The following KHDRBS2 variants were observed in gnomAD, a reference collection of about 807,000 sequenced individuals.
KHDRBS2 encodes the protein KH RNA binding domain containing, signal transduction associated 2.
Under a neutral mutation model 44.3 loss-of-function variants are expected in KHDRBS2, and 26 were observed. The observed-to-expected ratio is 0.59, with a 90% CI of 0.43 to 0.81. The LOEUF (loss-of-function observed/expected upper bound fraction) is 0.81, where lower values mean the gene tolerates loss of function less well. Ranked by LOEUF, KHDRBS2 falls within the 40% of genes least tolerant of loss-of-function variation. KHDRBS2 has a pLI of 0.00. For synonymous variants in KHDRBS2, 194 were observed against 151.1 expected (o/e 1.28, Z -2.08); for missense variants, 476 against 433.1 (o/e 1.10, Z -0.88).
chr6:62,017,834 T>C (rs1781485700), intron 3 of KHDRBS2, among the ~76,000 whole-genome samples: 1 of 152,070 alleles, frequency 6.6e-6, no homozygotes, highest in Non-Finnish European at 1.5e-5. Flanking sequence ...TGTAAGGATG[T>C]TCAATTATTA....
intron 1 of KHDRBS2, among the ~76,000 whole-genome samples, chr6:62,194,457 C>CTTTCT (rs139534888): frequency 1.6e-4 from 21 of 127,788 alleles, no homozygotes; most frequent in African/African-American, 2.7e-4. Flanking sequence ...CCACACTACA[C>CTTTCT]TTTCTTTTCT....
At chr6:62,104,710 T>C (rs1012945590) in intron 2 of KHDRBS2, among the ~76,000 whole-genome samples, 6 of 151,698 alleles carry the variant, frequency 4.0e-5, no homozygotes, top group Admixed American at 2.6e-4. Flanking sequence ...CTCAAATCAA[T>C]GACCTCAGGT....
At chr6:61,633,574 T>C in the KHDRBS2 span, among the ~76,000 whole-genome samples, 1 of 152,110 alleles carries the variant, frequency 6.6e-6, no homozygotes, top group African/African-American at 2.4e-5. Context: ...TTTCTATTTT[T>C]CTGCATGTGC....
At chr6:61,566,590 G>A in the KHDRBS2 span, among the ~76,000 whole-genome samples, 1 of 152,056 alleles carries the variant, frequency 6.6e-6, no homozygotes, top group South Asian at 2.1e-4. Flanking sequence ...CCTACGCCCA[G>A]GAATGAAAAA....
intron 2 of KHDRBS2, among the ~76,000 whole-genome samples, chr6:62,152,604 T>C (rs893918612): frequency 3.9e-5 from 6 of 152,244 alleles, no homozygotes; most frequent in Admixed American, 3.9e-4. Context: ...ATTTTAAAAG[T>C]TGCAGAAGTA....
the KHDRBS2 span, among the ~76,000 whole-genome samples, chr6:61,598,258 A>C: frequency 6.6e-6 from 1 of 151,700 alleles, no homozygotes; most frequent in Non-Finnish European, 1.5e-5. Flanking sequence ...CCAAAGTTTT[A>C]AACAAGAGGT....
chr6:61,644,181 G>A, the KHDRBS2 span, among the ~76,000 whole-genome samples: 1 of 152,008 alleles, frequency 6.6e-6, no homozygotes, highest in Non-Finnish European at 1.5e-5. Context: ...CTTTGACAAA[G>A]CCAACAAAAA....
At chr6:61,910,233 T>G (rs1805811229) in intron 4 of KHDRBS2, among the ~76,000 whole-genome samples, 1 of 152,242 alleles carries the variant, frequency 6.6e-6, no homozygotes, top group Non-Finnish European at 1.5e-5. Context: ...CAGAACATGC[T>G]ATTAAATAAC....
At chr6:62,062,580 G>C (rs9360290) in intron 2 of KHDRBS2, among the ~76,000 whole-genome samples, 122,725 of 148,546 alleles carry the variant, frequency 0.83, 51,113 homozygotes, top group Admixed American at 0.88. Flanking sequence ...TTGAAACCAA[G>C]AAGAACAAAG....
intron 6 of KHDRBS2, among the ~76,000 whole-genome samples, chr6:61,761,009 G>A (rs1490449182): frequency 2.0e-5 from 3 of 152,190 alleles, no homozygotes; most frequent in Non-Finnish European, 4.4e-5. Flanking sequence ...AAATAGGGTT[G>A]AAAGGTATTG....
chr6:61,674,985 A>G (rs1402904403), downstream of KHDRBS2, among the ~76,000 whole-genome samples: 2 of 151,782 alleles, frequency 1.3e-5, no homozygotes, highest in East Asian at 3.9e-4. Context: ...TAAAGATCAA[A>G]TCAGTGTAAT....
At chr6:62,184,183 T>C (rs1168982409) in intron 1 of KHDRBS2, among the ~76,000 whole-genome samples, 2 of 151,708 alleles carry the variant, frequency 1.3e-5, no homozygotes, top group Admixed American at 6.6e-5. Context: ...TACTATATTA[T>C]AATAAGCTTC....
chr6:61,886,759 C>A (rs1487460807), intron 6 of KHDRBS2, among the ~76,000 whole-genome samples: 1 of 152,022 alleles, frequency 6.6e-6, no homozygotes, highest in East Asian at 1.9e-4. Context: ...AAGATAAGAG[C>A]CCTATATAGC....
chr6:62,053,136 A>T (rs1789454429), intron 2 of KHDRBS2, among the ~76,000 whole-genome samples: 1 of 152,092 alleles, frequency 6.6e-6, no homozygotes, highest in Non-Finnish European at 1.5e-5. Flanking sequence ...GTATTAAAAA[A>T]TAAAATCAGC....
chr6:62,011,368 A>G (rs1191291365), intron 3 of KHDRBS2, among the ~76,000 whole-genome samples: 3 of 152,194 alleles, frequency 2.0e-5, no homozygotes, highest in African/African-American at 7.2e-5. Context: ...ACACGAAAAT[A>G]AAAACCGAAA....
chr6:62,007,905 A>G (rs780945374), intron 3 of KHDRBS2, among the ~76,000 whole-genome samples: 1 of 152,196 alleles, frequency 6.6e-6, no homozygotes, highest in Non-Finnish European at 1.5e-5. Flanking sequence ...GTAAAATGGC[A>G]AAATATGGTA....
chr6:61,902,737 A>G (rs1804287558), intron 4 of KHDRBS2, among the ~76,000 whole-genome samples: 1 of 152,146 alleles, frequency 6.6e-6, no homozygotes, highest in Non-Finnish European at 1.5e-5. Context: ...TAGCAGTGAG[A>G]CTAAAAATTA....
chr6:61,916,696 C>A (rs1807068032), intron 4 of KHDRBS2, among the ~76,000 whole-genome samples: 1 of 151,812 alleles, frequency 6.6e-6, no homozygotes, highest in African/African-American at 2.4e-5. Context: ...AAGAAGAAAA[C>A]AAACAACTTA....
intron 6 of KHDRBS2, among the ~76,000 whole-genome samples, chr6:61,777,454 C>G (rs1782252991): frequency 6.6e-6 from 1 of 152,066 alleles, no homozygotes; most frequent in Non-Finnish European, 1.5e-5. Context: ...GTTATCAACA[C>G]AGAGAAAGAG....
Sources: gnomAD v4.1 joint callset for allele counts (sites outside exome capture counted in the v4.1 genomes callset) on GRCh38, gnomAD v4.1.1 for gene constraint, MANE v1.5 for transcripts, NCBI Gene and HGNC (gene_info 2026-07-23, HGNC 2026-07-21) for gene names.